Variants in PLOD2 observed in about 807,000 individuals in gnomAD.
PLOD2 encodes procollagen-lysine,2-oxoglutarate 5-dioxygenase 2, also known as lysine hydroxylase 2.
PLOD2 carries 65 observed loss-of-function variants against 101.0 expected under a neutral mutation model. The observed-to-expected ratio is 0.64, with a 90% CI of 0.53 to 0.79. PLOD2 has a LOEUF of 0.79. PLOD2 is among the 30% of genes least tolerant of loss of function. PLOD2 has a pLI of 0.00. For missense variants in PLOD2, 909 were observed against 914.6 expected, an observed-to-expected ratio of 0.99 and a Z score of 0.08; for synonymous variants, 314 against 302.9, an observed-to-expected ratio of 1.04 and a Z score of -0.38.
At chr3:146,106,017 T>G (rs1937529621) in intron 5 of PLOD2, among the ~76,000 whole-genome samples, 1 of 152,206 alleles carries the variant, frequency 6.6e-6, no homozygotes, top group Non-Finnish European at 1.5e-5. Flanking sequence ...TAAATGACAG[T>G]TATTTATTCA....
chr3:146,080,247 CAT>C (rs1428657721), intron 12 of PLOD2, among the ~76,000 whole-genome samples: 4 of 151,860 alleles, frequency 2.6e-5, no homozygotes, highest in Admixed American at 1.3e-4. Context: ...TTTTCCTACA[CAT>C]ATATACTTAT....
intron 3 of PLOD2, among the ~76,000 whole-genome samples, chr3:146,119,077 T>G (rs1423318857): frequency 6.6e-6 from 1 of 152,106 alleles, no homozygotes; most frequent in Non-Finnish European, 1.5e-5. Flanking sequence ...GAGGTGGGGT[T>G]GGGTGGGAGG....
intron 7 of PLOD2, among the ~76,000 whole-genome samples, chr3:146,092,641 T>C (rs1290238087): frequency 6.6e-6 from 1 of 152,202 alleles, no homozygotes; most frequent in East Asian, 1.9e-4. Flanking sequence ...CTTAAACAGC[T>C]ATTGGTATTC....
At chr3:146,117,997 A>G (rs146435087) in intron 3 of PLOD2, among the ~76,000 whole-genome samples, 84 of 152,206 alleles carry the variant, frequency 5.5e-4, no homozygotes, top group African/African-American at 1.9e-3. Context: ...CCTAAAACCC[A>G]AAAGGAAGCT....
chr3:146,124,865 G>A (rs747363058), intron 1 of PLOD2, among the ~76,000 whole-genome samples: 2 of 152,020 alleles, frequency 1.3e-5, no homozygotes. Context: ...AATAACCACT[G>A]CCCTAGTAAA....
intron 12 of PLOD2, among the ~76,000 whole-genome samples, chr3:146,080,747 T>C (rs140348253): frequency 1.3e-5 from 2 of 152,230 alleles, no homozygotes; most frequent in Non-Finnish European, 2.9e-5. Context: ...ATATTGTCTA[T>C]ACAACTCACC....
At chr3:146,076,949 T>G in intron 14 of PLOD2, 54 bp from the exon 15 acceptor site, 1 of 1,385,848 alleles carries the variant, frequency 7.2e-7, no homozygotes, top group African/African-American at 1.5e-5. Context: ...AAAAGTAAAT[T>G]TAATCATAGG....
At chr3:146,159,066 A>G (rs369121518) in intron 1 of PLOD2, among the ~76,000 whole-genome samples, 3 of 152,336 alleles carry the variant, frequency 2.0e-5, no homozygotes, top group East Asian at 3.9e-4. Context: ...TTATTAGTTT[A>G]TCACATAACC....
Position 146,091,834 on chromosome 3 carries a change from CAA to C in PLOD2, c.843_844del (p.Cys282Ter). ...AGACAAGTCGACTGTATCGAATTCA[CAA>C]AGAGTGCAGCCATTATCCTGTGTCC... On this transcript the variant is annotated frameshift_variant, in exon 8 of 20. Transcript: ENST00000282903. LOFTEE classifies it high-confidence loss of function. 2.5e-6 allele frequency: 4 copies of C among 1,606,602 alleles called. No individual in the cohort carries two copies. Among genetic ancestry groups the C allele is most frequent in the Non-Finnish European group, 3.4e-6 (4 of 1,173,450 alleles).
chr3:146,159,908 C>G (rs749679441), intron 1 of PLOD2, among the ~76,000 whole-genome samples: 1 of 152,094 alleles, frequency 6.6e-6, no homozygotes, highest in Non-Finnish European at 1.5e-5. Flanking sequence ...GGACTGCAAA[C>G]CAAATGTCAC....
intron 3 of PLOD2, among the ~76,000 whole-genome samples, chr3:146,117,221 G>A (rs949608360): frequency 3.3e-5 from 5 of 152,074 alleles, no homozygotes; most frequent in Non-Finnish European, 7.4e-5. Context: ...AGTGACCTAT[G>A]CTTCCATAAA....
chr3:146,123,289 TA>T, intron 2 of PLOD2: 2 of 1,180,886 alleles, frequency 1.7e-6, no homozygotes, highest in Non-Finnish European at 2.1e-6. Context: ...GTTCTCCTCT[TA>T]TTTGTAGAAA....
At chr3:146,103,162 C>G (rs1937451697) in intron 6 of PLOD2, among the ~76,000 whole-genome samples, 1 of 152,160 alleles carries the variant, frequency 6.6e-6, no homozygotes, top group Admixed American at 6.5e-5. Flanking sequence ...GCCTTTGCCC[C>G]TTCATAGTAT....
chr3:146,096,759 G>A (rs1199029902), intron 7 of PLOD2, among the ~76,000 whole-genome samples: 4 of 149,682 alleles, frequency 2.7e-5, no homozygotes, highest in Non-Finnish European at 6.0e-5. Context: ...AGGTGGGGGG[G>A]GTCAGCCCCC....
intron 11 of PLOD2, among the ~76,000 whole-genome samples, chr3:146,083,832 T>C (rs1389023595): frequency 1.3e-5 from 2 of 151,882 alleles, no homozygotes; most frequent in Non-Finnish European, 2.9e-5. Flanking sequence ...CCACCCACCT[T>C]GGCCTCCCAA....
chr3:146,146,659 T>C (rs540801634), intron 1 of PLOD2, among the ~76,000 whole-genome samples: 5 of 152,288 alleles, frequency 3.3e-5, no homozygotes, highest in Non-Finnish European at 7.4e-5. Flanking sequence ...TCTCCATCCC[T>C]GGGTTACATT....
At chr3:146,137,265 G>T (rs1229686516) in intron 1 of PLOD2, among the ~76,000 whole-genome samples, 1 of 152,098 alleles carries the variant, frequency 6.6e-6, no homozygotes. Flanking sequence ...TTTTGATGCA[G>T]TAAGAAGCTC....
chr3:146,077,974 C>T (rs200929480), intron 13 of PLOD2, 50 bp from the exon 14 acceptor site: 1 of 977,690 alleles, frequency 1.0e-6, no homozygotes, highest in Non-Finnish European at 1.7e-6. Context: ...CCCGCTCTCT[C>T]AGGTATTCTT....
chr3:146,160,681 A>G, intron 1 of PLOD2, 200 bp downstream of exon 1: 1 of 559,402 alleles, frequency 1.8e-6, no homozygotes, highest in East Asian at 3.1e-5. Context: ...CAAGGAGTCA[A>G]CGAGGGCGGG....
Sources: allele counts gnomAD v4.1 joint callset (sites outside exome capture counted in the v4.1 genomes callset), GRCh38; gene constraint gnomAD v4.1.1; transcripts MANE v1.5; gene names NCBI Gene and HGNC (gene_info 2026-07-23, HGNC 2026-07-21).